ST3GAL3: variants seen among roughly 807,000 people sequenced by gnomAD.
ST3GAL3 encodes the protein CMP-N-acetylneuraminate-beta-1,4-galactoside alpha-2,3-sialyltransferase.
ST3GAL3 carries 21 observed loss-of-function variants against 50.1 expected under a neutral mutation model. The ratio of observed to expected loss-of-function variants is 0.42; its 90% CI spans 0.30 to 0.60. The LOEUF (loss-of-function observed/expected upper bound fraction) is 0.60. Ranked by LOEUF, ST3GAL3 falls within the 20% of genes least tolerant of loss-of-function variation. ST3GAL3 has a pLI of 0.19. For missense variants in ST3GAL3, 353 were observed against 489.4 expected (o/e 0.72, Z 2.63); for synonymous variants, 183 against 190.0 (o/e 0.96, Z 0.30).
intron 3 of ST3GAL3, among the ~76,000 whole-genome samples, chr1:43,809,775 A>G (rs2060319271): frequency 6.6e-6 from 1 of 152,060 alleles, no homozygotes; most frequent in Non-Finnish European, 1.5e-5. Context: ...TGGGCGGATC[A>G]CTTGAGGTCA....
In ST3GAL3 at chr1:43,723,732, T is replaced by C. The variant is rs148032546; in HGVS notation, c.-30-12501T>C. Among the ~76,000 whole-genome samples the C allele has an allele frequency of 5.4e-3, 824 of 152,188 alleles. 10 individuals carry two copies. Among genetic ancestry groups the C allele is most frequent in the African/African-American group, 0.019 (795 of 41,536 alleles). On this transcript the variant is annotated intron_variant, in intron 1 of 11. Transcript: ENST00000347631. ...GTTCAAGTGATTCTCCTGTCTCAGCTTCCCAAGTATTTGGGTTTACAGGCA... is the reference window on the plus strand; with the variant it reads ...GTTCAAGTGATTCTCCTGTCTCAGCCTCCCAAGTATTTGGGTTTACAGGCA...
chr1:43,848,294 C>CTTTTTTTTTTTTTTTTT (rs58438507), intron 5 of ST3GAL3, among the ~76,000 whole-genome samples: 1 of 70,386 alleles, frequency 1.4e-5, no homozygotes, highest in Non-Finnish European at 2.5e-5. Flanking sequence ...TTGTGGTTTT[C>CTTTTTTTTTTTTTTTTT]TTTTTTTTTT....
Position 43,920,908 on chromosome 1 carries a change from C to T in ST3GAL3, c.1018C>T (p.Arg340Cys), listed in dbSNP as rs1218848815. The change falls in exon 11 of 12, where the codon CGC becomes TGC. Residue 340 changes from arginine to cysteine, a missense_variant. Transcript: ENST00000347631. ...NAPLHYYETV[R>C]MAAIKESWTH... Reference sequence around the variant, plus strand: ...ACCCCTGCACTACTATGAGACCGTTCGCATGGCAGCCATCAAAGAGGTTCG... The same window carrying T: ...ACCCCTGCACTACTATGAGACCGTTTGCATGGCAGCCATCAAAGAGGTTCG... 1.2e-6 allele frequency: 2 copies of T among 1,613,442 alleles called. No individual in the cohort carries two copies. The highest frequency in any genetic ancestry group is 1.1e-5 in the South Asian group (1 of 90,962).
rs139101819 is a variant in ST3GAL3 at position 43,756,100 on chromosome 1, C to CAAAA, written c.118+19735_118+19738dup. Among the ~76,000 whole-genome samples, 483 of 71,790 alleles carry CAAAA rather than the reference C, an allele frequency of 6.7e-3. 40 individuals are homozygous for CAAAA. The highest frequency in any genetic ancestry group is 0.031 in the African/African-American group (427 of 13,580). The allele number at this position is 71,790 out of a possible 152,430, so 47.1% of individuals were successfully genotyped here. A position where few individuals can be genotyped will look rare whatever the true frequency, so the allele number is the denominator to read the frequency against. ...TGGTAGACAGAGTGAGAACCAGTCT[C>CAAAA]AAAAAAAAAAAAAAAAAAGAAGAAG... On this transcript the variant is annotated intron_variant, in intron 2 of 11. Coordinates refer to ENST00000347631, the MANE Select transcript of ST3GAL3 (RefSeq NM_006279.5).
At chr1:43,727,990 C>T (rs145910221) in intron 1 of ST3GAL3, among the ~76,000 whole-genome samples, 3 of 152,002 alleles carry the variant, frequency 2.0e-5, no homozygotes, top group Non-Finnish European at 4.4e-5. Context: ...GCATAGTACC[C>T]AACAGTTCAT....
At chr1:43,917,679 A>T (rs1226860446) in intron 9 of ST3GAL3, among the ~76,000 whole-genome samples, 1 of 110,440 alleles carries the variant, frequency 9.1e-6, no homozygotes, top group Non-Finnish European at 1.7e-5. Flanking sequence ...TTATATATAT[A>T]TATATTTTAA....
At chr1:43,861,091 CTG>C (rs1168684413) in intron 5 of ST3GAL3, among the ~76,000 whole-genome samples, 2 of 152,196 alleles carry the variant, frequency 1.3e-5, no homozygotes. Context: ...TGGAATACAG[CTG>C]GGAGCTCCTC....
At chr1:43,860,829 C>A (rs1300522064) in intron 5 of ST3GAL3, among the ~76,000 whole-genome samples, 2 of 152,200 alleles carry the variant, frequency 1.3e-5, no homozygotes, top group African/African-American at 2.4e-5. Flanking sequence ...TCATTTTTTC[C>A]AGCCTGTAAC....
chr1:43,906,210 T>C (rs1199516466), intron 9 of ST3GAL3, among the ~76,000 whole-genome samples: 13 of 65,702 alleles, frequency 2.0e-4, no homozygotes, highest in South Asian at 6.5e-4. Flanking sequence ...TTCCCCTTCC[T>C]GCCACTCTTC....
chr1:43,763,443 T>C (rs1465249916), intron 2 of ST3GAL3, among the ~76,000 whole-genome samples: 1 of 152,214 alleles, frequency 6.6e-6, no homozygotes, highest in East Asian at 1.9e-4. Context: ...AACTTTCTTA[T>C]TATGAGCAAT....
At chr1:43,856,578 T>C (rs2068429435) in intron 5 of ST3GAL3, among the ~76,000 whole-genome samples, 1 of 152,226 alleles carries the variant, frequency 6.6e-6, no homozygotes, top group Admixed American at 6.5e-5. Context: ...GAGTGCTCTA[T>C]AACTAAAGCT....
intron 3 of ST3GAL3, among the ~76,000 whole-genome samples, chr1:43,797,921 C>T (rs1041585302): frequency 1.3e-5 from 2 of 152,202 alleles, no homozygotes; most frequent in African/African-American, 4.8e-5. Context: ...AGAAGTTCAT[C>T]ATGTTTTTAA....
intron 3 of ST3GAL3, among the ~76,000 whole-genome samples, chr1:43,793,446 C>T (rs1490690778): frequency 6.6e-6 from 1 of 152,128 alleles, no homozygotes; most frequent in African/African-American, 2.4e-5. Flanking sequence ...AATCACTCTG[C>T]TGTGCTATCA....
At chr1:43,878,152 G>T (rs925588244) in intron 5 of ST3GAL3, among the ~76,000 whole-genome samples, 7 of 152,074 alleles carry the variant, frequency 4.6e-5, no homozygotes. Context: ...TCTCGTGGCC[G>T]CATCTCTCCA....
chr1:43,791,365 A>T (rs1012766662), intron 2 of ST3GAL3, among the ~76,000 whole-genome samples: 1 of 152,238 alleles, frequency 6.6e-6, no homozygotes, highest in African/African-American at 2.4e-5. Context: ...TATCTCAGTC[A>T]TAGTATAGTA....
At chr1:43,807,208 C>T (rs1008940402) in intron 3 of ST3GAL3, among the ~76,000 whole-genome samples, 3 of 151,700 alleles carry the variant, frequency 2.0e-5, no homozygotes, top group Admixed American at 1.3e-4. Context: ...CCTGAGGTCA[C>T]GAGTTCAAGA....
chr1:43,915,023 C>T (rs1038519123), intron 9 of ST3GAL3, among the ~76,000 whole-genome samples: 1 of 152,236 alleles, frequency 6.6e-6, no homozygotes, highest in South Asian at 2.1e-4. Context: ...AAACTGGGGT[C>T]GGCTTGCTCA....
chr1:43,754,230 C>T (rs1687219377), intron 2 of ST3GAL3, among the ~76,000 whole-genome samples: 1 of 152,150 alleles, frequency 6.6e-6, no homozygotes, highest in Admixed American at 6.5e-5. Context: ...TGCTCTGTCA[C>T]CCAGGCTGGA....
chr1:43,881,842 G>A (rs2075196292), intron 5 of ST3GAL3, among the ~76,000 whole-genome samples: 1 of 152,216 alleles, frequency 6.6e-6, no homozygotes, highest in Non-Finnish European at 1.5e-5. Flanking sequence ...CTGGTGCTTT[G>A]GAACAGGGAG....
Sources: allele counts gnomAD v4.1 joint callset (sites outside exome capture counted in the v4.1 genomes callset), GRCh38; gene constraint gnomAD v4.1.1; transcripts MANE v1.5; gene names NCBI Gene and HGNC (gene_info 2026-07-23, HGNC 2026-07-21).